The following NPRL2 variants were observed in gnomAD, a reference collection of about 807,000 sequenced individuals.
NPRL2 encodes the protein NPR2 like, GATOR1 complex subunit.
NPRL2 carries 21 observed loss-of-function variants against 51.1 expected under a neutral mutation model. That is an observed-to-expected ratio of 0.41 (90% confidence interval 0.29 to 0.59). NPRL2 has a LOEUF of 0.59. Among genes scored for constraint, NPRL2 ranks in the 20% least tolerant of loss-of-function variants. The probability of loss-of-function intolerance (pLI) is 0.29; values close to 1 mark genes in which losing one functional copy is unlikely to be tolerated. For missense variants in NPRL2, 376 were observed against 483.4 expected, an observed-to-expected ratio of 0.78 and a Z score of 2.08; for synonymous variants, 175 against 187.8, an observed-to-expected ratio of 0.93 and a Z score of 0.56.
chr3:50,349,315 C>T lies in NPRL2; in HGVS notation c.448+71G>A. ...ATGTGTTCATGAGTCTTGCCCTTCT[C>T]CCTGACTAGCTGGGTTCACTTTCCC... On this transcript the variant is annotated intron_variant, in intron 4 of 10. Coordinates refer to ENST00000232501, the MANE Select transcript of NPRL2 (RefSeq NM_006545.5). This position sits in a 1 kb window ranked among gnomAD's most constrained non-coding sequence, Gnocchi z 4.6. 1.5e-6 allele frequency: 2 copies of T among 1,359,646 alleles called. No individual in the cohort carries two copies. Among genetic ancestry groups the T allele is most frequent in the Non-Finnish European group, 1.0e-6 (1 of 955,186 alleles). 84.2% of individuals were successfully genotyped at this position (1,359,646 alleles called of 1,614,324 possible).
At chr3:50,347,720 C>G in intron 10 of NPRL2, 39 bp downstream of exon 10, 1 of 1,613,858 alleles carries the variant, frequency 6.2e-7, no homozygotes, top group Non-Finnish European at 8.5e-7. Context: ...GCCTGGCCAC[C>G]CTGCCCTGAA....
chr3:50,350,385 A>G lies in NPRL2; in HGVS notation c.78+190T>C, dbSNP rs1198782369. The G allele has an allele frequency of 4.6e-6, 3 of 647,992 alleles. No homozygotes were observed. The highest frequency in any genetic ancestry group is 7.9e-6 in the Non-Finnish European group (3 of 378,144). 40.1% of individuals were successfully genotyped at this position (647,992 alleles called of 1,614,324 possible). A position where few individuals can be genotyped will look rare whatever the true frequency, so the allele number is the denominator to read the frequency against. ...AGCCCGATATCCTACAAACACTGCC[A>G]ATGTGACGTATGTCTTCCCTGCCAC... On this transcript the variant is annotated intron_variant, in intron 1 of 10. Transcript: ENST00000232501. The surrounding 1 kb of genome is among the most constrained non-coding windows in gnomAD (Gnocchi z 5.7).
chr3:50,347,912 G>T lies in NPRL2; in HGVS notation c.933-11C>A. 1.2e-6 allele frequency: 2 copies of T among 1,613,784 alleles called. No individual in the cohort carries two copies. Among genetic ancestry groups the T allele is most frequent in the Non-Finnish European group, 1.7e-6 (2 of 1,179,912 alleles). ...AACTGGATCAGCTTCCTAGGGTGAG[G>T]ATCAGAGGACGGGGTGACGCCCTGG... On this transcript the variant is annotated splice_polypyrimidine_tract_variant and intron_variant, in intron 9 of 10. Transcript: ENST00000232501.
Position 50,349,822 on chromosome 3 carries a change from T to C in NPRL2, c.182A>G (p.Glu61Gly). ...QNKLITVTAM[E>G]KKLIGCPVCI... Reference sequence around the variant, plus strand: ...CACAGGACAGCCGATCAGCTTCTTTTCCATAGCTGTGCTGGATAATTGGAA... The same window carrying C: ...CACAGGACAGCCGATCAGCTTCTTTCCCATAGCTGTGCTGGATAATTGGAA... Residue 61 changes from glutamate to glycine, a missense_variant, in exon 3 of 11, where the codon GAA (glutamate) becomes GGA (glycine). Coordinates refer to ENST00000232501, the MANE Select transcript of NPRL2 (RefSeq NM_006545.5). This position sits in a 1 kb window ranked among gnomAD's most constrained non-coding sequence, Gnocchi z 4.6. The C allele has an allele frequency of 6.2e-7, 1 of 1,611,982 alleles. No individual in the cohort carries two copies. Among genetic ancestry groups the C allele is most frequent in the Non-Finnish European group, 8.5e-7 (1 of 1,178,414 alleles).
At chr3:50,347,738 T>C (rs1213498779) in intron 10 of NPRL2, 21 bp downstream of exon 10, 13 of 1,613,680 alleles carry the variant, frequency 8.1e-6, no homozygotes, top group Non-Finnish European at 1.1e-5. Context: ...GAACCCACCC[T>C]GACTGCCCGC....
In NPRL2 at chr3:50,348,465, C is replaced by G; in HGVS notation, c.721-55G>C. ...GAGTGAGGGGCTTGGGAAGCTGACA[C>G]AGCCCTGGTCTGGTCCAGCCACATG... On this transcript the variant is annotated intron_variant, in intron 7 of 10. Coordinates refer to ENST00000232501, the MANE Select transcript of NPRL2 (RefSeq NM_006545.5). The surrounding 1 kb of genome is among the most constrained non-coding windows in gnomAD (Gnocchi z 5.8). 1 of 1,613,316 alleles carries G rather than the reference C, an allele frequency of 6.2e-7. No individual in the cohort carries two copies. The highest frequency in any genetic ancestry group is 1.1e-5 in the South Asian group (1 of 91,072).
chr3:50,347,572 C>T lies in NPRL2; in HGVS notation c.*34G>A. The T allele has an allele frequency of 6.2e-7, 1 of 1,613,010 alleles. No homozygotes were observed. The highest frequency in any genetic ancestry group is 8.5e-7 in the Non-Finnish European group (1 of 1,179,184). Reference sequence around the variant, plus strand: ...CAAGCCTCCTAGTAGGAGGGACTACCCACAGCAATGTGTCCATCCAGTCAC... The same window carrying T: ...CAAGCCTCCTAGTAGGAGGGACTACTCACAGCAATGTGTCCATCCAGTCAC... On this transcript the variant is annotated 3_prime_UTR_variant, in exon 11 of 11. Transcript: ENST00000232501.
chr3:50,349,734 A>T lies in NPRL2; in HGVS notation c.270T>A (p.Asp90Glu). Residue 90 changes from aspartate to glutamate, a missense_variant, in exon 3 of 11, where the codon GAT becomes GAA. Transcript: ENST00000232501. The surrounding 1 kb of genome is among the most constrained non-coding windows in gnomAD (Gnocchi z 4.6). ...ALLFNLGFVC[D>E]AQAKTCALEP... ...CGAGGGCGCAGGTCTTGGCCTGGGCATCACACACGAAGCCCAGGTTGAAGA... is the reference window on the plus strand; with the variant it reads ...CGAGGGCGCAGGTCTTGGCCTGGGCTTCACACACGAAGCCCAGGTTGAAGA... 6.2e-7 allele frequency: 1 copy of T among 1,613,980 alleles called. No homozygotes were observed. Among genetic ancestry groups the T allele is most frequent in the Non-Finnish European group, 8.5e-7 (1 of 1,180,004 alleles).
rs1339406155 is a variant in NPRL2, at chr3:50,349,444, G to A, written c.390C>T (p.Pro130=). ...SMEESKQKLV[P]IMTILLEELN... ...GCTCCTCCAGCAAGATGGTCATGAT[G>A]GGCACCAACTTCTGCTTGCTCTCCT... Residue 130 remains proline (P), a synonymous_variant, in exon 4 of 11, where the codon CCC becomes CCT. Coordinates refer to ENST00000232501, the MANE Select transcript of NPRL2 (RefSeq NM_006545.5). The surrounding 1 kb of genome is among the most constrained non-coding windows in gnomAD (Gnocchi z 4.6). 6.2e-7 allele frequency: 1 copy of A among 1,613,752 alleles called. No homozygotes were observed. The highest frequency in any genetic ancestry group is 1.1e-5 in the South Asian group (1 of 91,074).
At position 50,350,656 on chromosome 3, in the gene NPRL2, A is replaced by C. The variant is rs41291730; in HGVS notation, c.-4T>G. 9,982 of 1,602,662 alleles carry C rather than the reference A, an allele frequency of 6.2e-3. 52 individuals are homozygous for C. The highest frequency in any genetic ancestry group is 7.5e-3 in the Non-Finnish European group (8,801 of 1,174,894). ...CGATGCGGCAGCCGCTGCCCATGGCAATAACCGGGCCCAGGCCCGTAGCTC... is the reference window on the plus strand; with the variant it reads ...CGATGCGGCAGCCGCTGCCCATGGCCATAACCGGGCCCAGGCCCGTAGCTC... On this transcript the variant is annotated 5_prime_UTR_variant, in exon 1 of 11. It adds an upstream start codon to the 5' untranslated region. Transcript: ENST00000232501. The surrounding 1 kb of genome is among the most constrained non-coding windows in gnomAD (Gnocchi z 5.7).
In NPRL2 at chr3:50,349,253, A is replaced by G. The variant is rs1703665291; in HGVS notation, c.448+133T>C. On this transcript the variant is annotated intron_variant, in intron 4 of 10. Transcript: ENST00000232501. The surrounding 1 kb of genome is among the most constrained non-coding windows in gnomAD (Gnocchi z 4.6). ...CTCCATCATGCATTGGACCCTGGAC[A>G]TGGGCACCTCAGCCCATGGCTATTT... 10 of 889,658 alleles carry G rather than the reference A, an allele frequency of 1.1e-5. No homozygotes were observed. In the South Asian group the frequency reaches 1.6e-4, roughly 14 times the overall value. 55.1% of individuals were successfully genotyped at this position (889,658 alleles called of 1,614,324 possible). A position where few individuals can be genotyped will look rare whatever the true frequency, so the allele number is the denominator to read the frequency against.
In NPRL2 at chr3:50,350,241, T is replaced by C. The variant is rs1373960853; in HGVS notation, c.79-219A>G. 4.0e-5 allele frequency: 24 copies of C among 597,414 alleles called. No individual in the cohort carries two copies. Among genetic ancestry groups the C allele is most frequent in the Middle Eastern group, 4.4e-4 (1 of 2,268 alleles). 37.0% of individuals were successfully genotyped at this position (597,414 alleles called of 1,614,324 possible). A position where few individuals can be genotyped will look rare whatever the true frequency, so the allele number is the denominator to read the frequency against. On this transcript the variant is annotated intron_variant, in intron 1 of 10. Coordinates refer to ENST00000232501, the MANE Select transcript of NPRL2 (RefSeq NM_006545.5). This position sits in a 1 kb window ranked among gnomAD's most constrained non-coding sequence, Gnocchi z 5.7. ...ATGCTGTTCCCTCTACCTGGAACAC[T>C]TTCTCCTGCCTTACCTAAACTTCCT...
At position 50,347,821 on chromosome 3, in the gene NPRL2, T is replaced by G; in HGVS notation, c.1013A>C (p.Gln338Pro). 6.2e-7 allele frequency: 1 copy of G among 1,614,020 alleles called. No homozygotes were observed. Among genetic ancestry groups the G allele is most frequent in the Non-Finnish European group, 8.5e-7 (1 of 1,180,036 alleles). Residue 338 changes from glutamine (Q) to proline (P), a missense_variant, in exon 10 of 11, where the codon CAG becomes CCG. Transcript: ENST00000232501. ...KYPVRVTREE[Q>P]SHPARLYTGC... is the part of the protein sequence containing the mutation. ...TGTATAAAGCCGGGCAGGGTGGCTC[T>G]GCTCTTCCCGAGTCACCCGCACAGG... is the stretch of plus-strand genomic sequence containing the variant.
chr3:50,350,763 C>T lies in NPRL2; in HGVS notation c.-111G>A. ...TCGAGGCCTGTGTCGCTGGGGCACG[C>T]AAGCTTGCCAATCCCTCTGCCCAAT... On this transcript the variant is annotated 5_prime_UTR_variant, in exon 1 of 11. Transcript: ENST00000232501. The surrounding 1 kb of genome is among the most constrained non-coding windows in gnomAD (Gnocchi z 5.7). The T allele has an allele frequency of 6.7e-7, 1 of 1,486,554 alleles. No homozygotes were observed. The allele number at this position is 1,486,554 out of a possible 1,614,324, so 92.1% of individuals were successfully genotyped here. A position where few individuals can be genotyped will look rare whatever the true frequency, so the allele number is the denominator to read the frequency against.
Position 50,349,051 on chromosome 3 carries a change from C to T in NPRL2, c.449-41G>A, listed in dbSNP as rs587749787. ...TCCATATCCTCAGTGCCACTTCTTC[C>T]AAGAGGTCCTCAATTACCATCCAGG... On this transcript the variant is annotated intron_variant, in intron 4 of 10. Coordinates refer to ENST00000232501, the MANE Select transcript of NPRL2 (RefSeq NM_006545.5). This position sits in a 1 kb window ranked among gnomAD's most constrained non-coding sequence, Gnocchi z 4.6. 1.3e-6 allele frequency: 2 copies of T among 1,598,876 alleles called. No individual in the cohort carries two copies. The highest frequency in any genetic ancestry group is 2.7e-5 in the African/African-American group (2 of 74,662).
Position 50,347,936 on chromosome 3 carries a change from G to A in NPRL2, c.933-35C>T, listed in dbSNP as rs148953396. ...GGATCAGAGGACGGGGTGACGCCCT[G>A]GCCAGGCCTTCTTTCAGGCAGGCCA... On this transcript the variant is annotated intron_variant, in intron 9 of 10. Coordinates refer to ENST00000232501, the MANE Select transcript of NPRL2 (RefSeq NM_006545.5). The A allele has an allele frequency of 7.6e-5, 123 of 1,611,598 alleles. No individual in the cohort carries two copies. The East Asian group carries it at 2.7e-3, about 35-fold the overall frequency.
Position 50,349,764 on chromosome 3 carries a change from A to G in NPRL2, c.240T>C (p.Ala80=), listed in dbSNP as rs1309331599. The G allele has an allele frequency of 6.2e-7, 1 of 1,613,822 alleles. No individual in the cohort carries two copies. The highest frequency in any genetic ancestry group is 1.1e-5 in the South Asian group (1 of 91,076). ...CIEHKKYSRN[A]LLFNLGFVCD... ...ACACGAAGCCCAGGTTGAAGAGGAG[A>G]GCATTGCGGCTGTACTTCTTGTGTT... Residue 80 remains alanine, a synonymous_variant, in exon 3 of 11, where the codon GCT becomes GCC. Coordinates refer to ENST00000232501, the MANE Select transcript of NPRL2 (RefSeq NM_006545.5). The surrounding 1 kb of genome is among the most constrained non-coding windows in gnomAD (Gnocchi z 4.6).
chr3:50,349,901 C>T lies in NPRL2; in HGVS notation c.170+30G>A, dbSNP rs761387485. ...CCTCCTCCTGGGACAACCCCTGCCA[C>T]CCACCGCTCACCCCGAGCTAGGGTC... On this transcript the variant is annotated intron_variant, in intron 2 of 10. Transcript: ENST00000232501. The surrounding 1 kb of genome is among the most constrained non-coding windows in gnomAD (Gnocchi z 4.6). 2.0e-5 allele frequency: 33 copies of T among 1,613,714 alleles called. No homozygotes were observed. The highest frequency in any genetic ancestry group is 2.6e-5 in the Non-Finnish European group (31 of 1,179,856).
In NPRL2 at chr3:50,349,655, C is replaced by T; in HGVS notation, c.339+10G>A. On this transcript the variant is annotated intron_variant, in intron 3 of 10. Coordinates refer to ENST00000232501, the MANE Select transcript of NPRL2 (RefSeq NM_006545.5). This position sits in a 1 kb window ranked among gnomAD's most constrained non-coding sequence, Gnocchi z 4.6. ...CCTGTCGGTAAACCCAAGCCCATCT[C>T]ATTGCAGACCTCTAGTGTGGTCAGA... 1 of 1,605,654 alleles carries T rather than the reference C, an allele frequency of 6.2e-7. No homozygotes were observed. Among genetic ancestry groups the T allele is most frequent in the East Asian group, 2.2e-5 (1 of 44,666 alleles).
Sources: gnomAD v4.1 joint callset for allele counts on GRCh38, gnomAD v4.1.1 for gene constraint, Gnocchi (gnomAD v3.1) non-coding constraint, MANE v1.5 for transcripts, NCBI Gene and HGNC (gene_info 2026-07-23, HGNC 2026-07-21) for gene names.